NTRK3: variants seen among roughly 807,000 people sequenced by gnomAD.
NTRK3 encodes NT-3 growth factor receptor.
Under a neutral mutation model 91.7 loss-of-function variants are expected in NTRK3, and 24 were observed. That is an observed-to-expected ratio of 0.26 (90% CI 0.19 to 0.37). The LOEUF (loss-of-function observed/expected upper bound fraction) is 0.37. Ranked by LOEUF, NTRK3 falls within the 10% of genes least tolerant of loss-of-function variation. The pLI, the probability that NTRK3 is intolerant of heterozygous loss-of-function variation, is 1.00. For synonymous variants in NTRK3, 483 were observed against 404.0 expected (o/e 1.20, Z -2.34); for missense variants, 880 against 1,068.9 (o/e 0.82, Z 2.46).
chr15:87,976,686 T>C (rs903263436), intron 14 of NTRK3, among the ~76,000 whole-genome samples: 1 of 152,228 alleles, frequency 6.6e-6, no homozygotes, highest in Non-Finnish European at 1.5e-5. Flanking sequence ...TTTTACTCTT[T>C]GGCCTCTCCC....
intron 5 of NTRK3, among the ~76,000 whole-genome samples, chr15:88,155,360 G>T (rs1300055168): frequency 6.6e-6 from 1 of 152,224 alleles, no homozygotes; most frequent in African/African-American, 2.4e-5. Context: ...GAAGCTGGAA[G>T]AGGCAAGAAA....
At chr15:87,883,041 G>C (rs1364251011) in intron 17 of NTRK3, among the ~76,000 whole-genome samples, 1 of 151,624 alleles carries the variant, frequency 6.6e-6, no homozygotes, top group Non-Finnish European at 1.5e-5. Context: ...GAAAATGGAA[G>C]AGTGCTAAAA....
chr15:88,166,599 T>C (rs1319340785), intron 5 of NTRK3, among the ~76,000 whole-genome samples: 2 of 152,016 alleles, frequency 1.3e-5, no homozygotes, highest in South Asian at 4.2e-4. Flanking sequence ...GGGAGTTGAG[T>C]AAGCAAAAAT....
chr15:88,228,864 TC>T (rs2050918217), intron 3 of NTRK3, among the ~76,000 whole-genome samples: 1 of 152,110 alleles, frequency 6.6e-6, no homozygotes, highest in African/African-American at 2.4e-5. Flanking sequence ...CTGCTCAGCC[TC>T]CCTGGCAACA....
chr15:87,986,120 A>C (rs1019848565), intron 14 of NTRK3, among the ~76,000 whole-genome samples: 1 of 152,242 alleles, frequency 6.6e-6, no homozygotes, highest in Non-Finnish European at 1.5e-5. Flanking sequence ...ACAATTTGTA[A>C]TAGCTGAGCA....
At chr15:88,113,770 A>C (rs1006654920) in intron 13 of NTRK3, among the ~76,000 whole-genome samples, 2 of 152,218 alleles carry the variant, frequency 1.3e-5, no homozygotes, top group African/African-American at 2.4e-5. Context: ...TTTTCATGCT[A>C]CAACAGCAGC....
intron 14 of NTRK3, among the ~76,000 whole-genome samples, chr15:88,018,577 G>A (rs2077398809): frequency 6.6e-6 from 1 of 152,156 alleles, no homozygotes; most frequent in African/African-American, 2.4e-5. Context: ...TTGATTTAAT[G>A]TAGAAAGAAT....
At chr15:87,976,047 A>G (rs920876030) in intron 14 of NTRK3, among the ~76,000 whole-genome samples, 1 of 152,042 alleles carries the variant, frequency 6.6e-6, no homozygotes, top group Non-Finnish European at 1.5e-5. Context: ...TTTATCTATT[A>G]TCTCTTCTCC....
intron 14 of NTRK3, among the ~76,000 whole-genome samples, chr15:87,993,136 G>A (rs1345236298): frequency 1.3e-5 from 2 of 152,124 alleles, no homozygotes; most frequent in African/African-American, 4.8e-5. Context: ...ATGGCTCCTG[G>A]AACCAACATC....
chr15:87,872,653 T>C (rs1596039948), exon 19 of NTRK3: 1 of 232,534 alleles, frequency 4.3e-6, no homozygotes, highest in Non-Finnish European at 8.5e-6. Flanking sequence ...AGCATAAAAA[T>C]GAAGTCTCTG....
chr15:88,035,102 A>G (rs2078953396), intron 13 of NTRK3, among the ~76,000 whole-genome samples: 1 of 152,030 alleles, frequency 6.6e-6, no homozygotes, highest in Admixed American at 6.6e-5. Flanking sequence ...TTTGGAATTT[A>G]AAAAGTCAAA....
At chr15:87,963,381 C>A (rs1277808981) in intron 14 of NTRK3, among the ~76,000 whole-genome samples, 1 of 152,178 alleles carries the variant, frequency 6.6e-6, no homozygotes, top group Non-Finnish European at 1.5e-5. Flanking sequence ...TGGAGCATGA[C>A]ACAGTCATTA....
chr15:87,970,054 C>A (rs2073128184), intron 14 of NTRK3, among the ~76,000 whole-genome samples: 2 of 152,188 alleles, frequency 1.3e-5, no homozygotes, highest in South Asian at 2.1e-4. Context: ...TTTGGGGCAT[C>A]TGTCCAGGCA....
intron 14 of NTRK3, among the ~76,000 whole-genome samples, chr15:87,982,132 CATGAGCCCTTTCCCAT>C (rs1229222588): frequency 6.6e-6 from 1 of 152,200 alleles, no homozygotes; most frequent in Non-Finnish European, 1.5e-5. Context: ...CCTTCGTGAA[CATGAGCCCTTTCCCAT>C]ATGAGCCGGG....
intron 5 of NTRK3, among the ~76,000 whole-genome samples, chr15:88,179,527 G>A (rs1454731060): frequency 1.3e-5 from 2 of 152,220 alleles, no homozygotes; most frequent in African/African-American, 4.8e-5. Flanking sequence ...ACAGGTGAAA[G>A]GAAGTACCAT....
chr15:88,021,422 G>A lies in NTRK3; in HGVS notation c.1585+11435C>T, dbSNP rs1567238640. On this transcript the variant is annotated intron_variant, in intron 14 of 18. Coordinates refer to ENST00000394480, the Ensembl canonical transcript of NTRK3. Reference sequence around the variant, plus strand: ...TCTGTGTCTACAGAGATGCTAACAGGTATACCTCAAAATCAGGTTCAGTAG... The same window carrying A: ...TCTGTGTCTACAGAGATGCTAACAGATATACCTCAAAATCAGGTTCAGTAG... Among the ~76,000 whole-genome samples, 3 of 152,184 alleles carry A rather than the reference G, an allele frequency of 2.0e-5. No homozygotes were observed. The South Asian group carries it at 6.2e-4, about 32-fold the overall frequency.
chr15:88,006,333 C>T (rs930869663), intron 14 of NTRK3, among the ~76,000 whole-genome samples: 11 of 152,218 alleles, frequency 7.2e-5, no homozygotes, highest in Non-Finnish European at 1.5e-4. Context: ...ATATCTTACA[C>T]GTCTCAGGTG....
intron 14 of NTRK3, among the ~76,000 whole-genome samples, chr15:87,975,485 T>G (rs1017831968): frequency 6.6e-6 from 1 of 152,160 alleles, no homozygotes; most frequent in African/African-American, 2.4e-5. Context: ...ATCCTGTTGG[T>G]GACATTCGAA....
At chr15:88,123,690 T>A (rs1357209026) in intron 13 of NTRK3, among the ~76,000 whole-genome samples, 1 of 152,184 alleles carries the variant, frequency 6.6e-6, no homozygotes, top group African/African-American at 2.4e-5. Context: ...AAGATGTACA[T>A]TAGTTCCGAC....
Sources: gnomAD v4.1 joint callset for allele counts (sites outside exome capture counted in the v4.1 genomes callset) on GRCh38, gnomAD v4.1.1 for gene constraint, MANE v1.5 for transcripts, NCBI Gene and HGNC (gene_info 2026-07-23, HGNC 2026-07-21) for gene names.